Variants in NOL4 observed in about 807,000 individuals in gnomAD.
The protein encoded by NOL4 is cancer/testis antigen 125.
A neutral mutation model predicts 75.9 loss-of-function variants in NOL4; 17 were observed. The ratio of observed to expected loss-of-function variants is 0.22; its 90% CI spans 0.15 to 0.34. The LOEUF (loss-of-function observed/expected upper bound fraction) is 0.34, where lower values mean the gene tolerates loss of function less well. NOL4 is among the 10% of genes least tolerant of loss of function. The pLI, the probability that NOL4 is intolerant of heterozygous loss-of-function variation, is 1.00. For synonymous variants in NOL4, 292 were observed against 289.9 expected (o/e 1.01, Z -0.07); for missense variants, 614 against 793.5 (o/e 0.77, Z 2.72).
intron 4 of NOL4, among the ~76,000 whole-genome samples, chr18:34,102,553 T>C (rs1459791102): frequency 6.6e-6 from 1 of 152,076 alleles, no homozygotes; most frequent in Non-Finnish European, 1.5e-5. Flanking sequence ...AAGAGTTATT[T>C]TTCTAATCTA....
chr18:33,910,676 C>T (rs78903890), intron 9 of NOL4, among the ~76,000 whole-genome samples: 2,155 of 152,200 alleles, frequency 0.014, 56 homozygotes, highest in African/African-American at 0.049. Flanking sequence ...CCCAGGATGA[C>T]GGTGTTGTTC....
At chr18:34,159,458 G>A (rs2031080851) in intron 1 of NOL4, among the ~76,000 whole-genome samples, 1 of 152,154 alleles carries the variant, frequency 6.6e-6, no homozygotes, top group African/African-American at 2.4e-5. Flanking sequence ...GCTCGAAGCC[G>A]CGGGCCTGAC....
chr18:33,971,291 T>C (rs2071036951), intron 6 of NOL4, among the ~76,000 whole-genome samples: 1 of 152,188 alleles, frequency 6.6e-6, no homozygotes, highest in African/African-American at 2.4e-5. Flanking sequence ...AAGTTATTCC[T>C]ATATTGGGAT....
In NOL4 at chr18:34,223,526, T is replaced by C. The variant is rs1184759894; in HGVS notation, c.-273A>G. The C allele has an allele frequency of 1.8e-6, 1 of 543,930 alleles. No homozygotes were observed. The highest frequency in any genetic ancestry group is 3.3e-5 in the Admixed American group (1 of 29,954). The allele number at this position is 543,930 out of a possible 1,614,324, so 33.7% of individuals were successfully genotyped here. ...CCTGTTCCCTTAGCGGTCGGTCTCT[T>C]TAATATTTTGTGACCAGGACCATCC... On this transcript the variant is annotated 5_prime_UTR_variant, in exon 1 of 11. It removes the in-frame stop codon of an upstream open reading frame in the 5' UTR. Transcript: ENST00000261592.
At chr18:34,079,556 C>T (rs2077903440) in intron 5 of NOL4, among the ~76,000 whole-genome samples, 1 of 152,126 alleles carries the variant, frequency 6.6e-6, no homozygotes, top group African/African-American at 2.4e-5. Flanking sequence ...TAATGAGACA[C>T]ACACTTGCTC....
At chr18:33,965,129 G>C (rs2070472862) in intron 6 of NOL4, among the ~76,000 whole-genome samples, 1 of 152,094 alleles carries the variant, frequency 6.6e-6, no homozygotes. Flanking sequence ...ATCCACACTT[G>C]TTAGAGATAC....
At chr18:34,008,363 A>ATTTG (rs1446884159) in intron 6 of NOL4, among the ~76,000 whole-genome samples, 1 of 119,864 alleles carries the variant, frequency 8.3e-6, no homozygotes, top group Non-Finnish European at 1.8e-5. Flanking sequence ...ATCACTTTCT[A>ATTTG]TCTGTCTGTC....
chr18:34,220,409 C>T (rs1323480268), intron 1 of NOL4, among the ~76,000 whole-genome samples: 1 of 152,144 alleles, frequency 6.6e-6, no homozygotes, highest in African/African-American at 2.4e-5. Context: ...CCTCAAGCAG[C>T]TAAGAATGAT....
chr18:33,872,872 T>A (rs1395759173), intron 10 of NOL4, among the ~76,000 whole-genome samples: 1 of 151,864 alleles, frequency 6.6e-6, no homozygotes, highest in East Asian at 1.9e-4. Context: ...AATAGGAAAA[T>A]ACTTTAAGTC....
At chr18:34,154,186 G>A (rs1191699312) in intron 1 of NOL4, among the ~76,000 whole-genome samples, 1 of 151,946 alleles carries the variant, frequency 6.6e-6, no homozygotes. Context: ...AAATCCAACA[G>A]GCAGAGGCTG....
At chr18:34,182,357 C>T (rs1353022167) in intron 1 of NOL4, among the ~76,000 whole-genome samples, 1 of 151,388 alleles carries the variant, frequency 6.6e-6, no homozygotes, top group African/African-American at 2.4e-5. Context: ...TAAGCAAATC[C>T]CATTAAGATA....
chr18:34,194,449 AAGGAAGGAAGGC>A lies in NOL4; in HGVS notation c.264+28529_264+28540del, dbSNP rs1225729918. Reference sequence around the variant, plus strand: ...GAGGGAAGGAAGGAAGGAAGGAAGGAAGGAAGGAAGGCAGGCAGGCAGGCAGGCAGGCAGGCA... The same window carrying A: ...GAGGGAAGGAAGGAAGGAAGGAAGGAAGGCAGGCAGGCAGGCAGGCAGGCA... On this transcript the variant is annotated intron_variant, in intron 1 of 10. Coordinates refer to ENST00000261592, the MANE Select transcript of NOL4 (RefSeq NM_003787.5). Among the ~76,000 whole-genome samples, 6 of 146,608 alleles carry A rather than the reference AAGGAAGGAAGGC, an allele frequency of 4.1e-5. No homozygotes were observed. In the East Asian group the frequency reaches 8.2e-4, roughly 20 times the overall value.
chr18:33,998,591 A>G (rs1448451479), intron 6 of NOL4, among the ~76,000 whole-genome samples: 3 of 152,272 alleles, frequency 2.0e-5, no homozygotes, highest in Middle Eastern at 6.8e-3. Context: ...ACTGACTTGA[A>G]AAAGAGAAAA....
chr18:33,932,171 A>G (rs1390037986), intron 9 of NOL4, among the ~76,000 whole-genome samples: 1 of 152,176 alleles, frequency 6.6e-6, no homozygotes, highest in South Asian at 2.1e-4. Flanking sequence ...ATTTTATTAC[A>G]TATTACTTTC....
At chr18:33,993,331 G>C (rs1265200046) in intron 6 of NOL4, among the ~76,000 whole-genome samples, 1 of 151,918 alleles carries the variant, frequency 6.6e-6, no homozygotes, top group African/African-American at 2.4e-5. Flanking sequence ...CTGTCATCCA[G>C]GGTGAGTGTG....
At position 34,150,616 on chromosome 18, in the gene NOL4, A is replaced by G. The variant is rs143792518; in HGVS notation, c.265-20596T>C. 3.3e-5 allele frequency among the ~76,000 whole-genome samples: 5 copies of G among 151,772 alleles called. No individual in the cohort carries two copies. In the East Asian group the frequency reaches 7.7e-4, roughly 23 times the overall value. On this transcript the variant is annotated intron_variant, in intron 1 of 10. Transcript: ENST00000261592. Reference sequence around the variant, plus strand: ...GAATCCTAGACTAAATGTTAAATACAAAAAATATATACAACTTTTGTCCTA... The same window carrying G: ...GAATCCTAGACTAAATGTTAAATACGAAAAATATATACAACTTTTGTCCTA...
At chr18:34,059,001 T>C (rs965197826) in intron 5 of NOL4, among the ~76,000 whole-genome samples, 1 of 151,608 alleles carries the variant, frequency 6.6e-6, no homozygotes, top group Admixed American at 6.6e-5. Context: ...AAGGGGTCAT[T>C]GTAAAATGCA....
At chr18:33,906,255 C>A (rs1266016275) in intron 9 of NOL4, among the ~76,000 whole-genome samples, 1 of 152,150 alleles carries the variant, frequency 6.6e-6, no homozygotes, top group Admixed American at 6.5e-5. Flanking sequence ...CCTCCTCAGA[C>A]CAGACCCATG....
At position 34,105,083 on chromosome 18, in the gene NOL4, T is replaced by C. The variant is rs1287693698; in HGVS notation, c.492A>G (p.Arg164=). The C allele has an allele frequency of 6.2e-7, 1 of 1,611,922 alleles. No homozygotes were observed. The highest frequency in any genetic ancestry group is 8.5e-7 in the Non-Finnish European group (1 of 1,178,398). ...FLMSCSECQK[R]MHLNPDGTDH... is the part of the protein sequence containing the mutation. The stretch of plus-strand genomic sequence containing the variant: ...CTGTTCCATCTGGGTTTAAATGCAT[T>C]CTTTTCTGGCACTCTGAGCAGCTCA... Residue 164 remains arginine (R), a synonymous_variant, in exon 3 of 11, where the codon AGA becomes AGG. Coordinates refer to ENST00000261592, the MANE Select transcript of NOL4 (RefSeq NM_003787.5).
Sources: gnomAD v4.1 joint callset for allele counts (sites outside exome capture counted in the v4.1 genomes callset) on GRCh38, gnomAD v4.1.1 for gene constraint, MANE v1.5 for transcripts, NCBI Gene and HGNC (gene_info 2026-07-23, HGNC 2026-07-21) for gene names.